Variants in SMYD3 observed in about 807,000 individuals in gnomAD.
SMYD3 encodes SET and MYND domain containing 3.
SMYD3 carries 36 observed loss-of-function variants against 57.7 expected under a neutral mutation model. The observed-to-expected ratio is 0.62, with a 90% CI of 0.48 to 0.82. The LOEUF (loss-of-function observed/expected upper bound fraction) is 0.82, where lower values mean the gene tolerates loss of function less well. Among genes scored for constraint, SMYD3 ranks in the 40% least tolerant of loss-of-function variants. The probability of loss-of-function intolerance (pLI) is 0.00; values close to 1 mark genes in which losing one functional copy is unlikely to be tolerated. For missense variants in SMYD3, 515 were observed against 538.8 expected, an observed-to-expected ratio of 0.96 and a Z score of 0.44; for synonymous variants, 211 against 195.0, an observed-to-expected ratio of 1.08 and a Z score of -0.68.
intron 5 of SMYD3, among the ~76,000 whole-genome samples, chr1:246,315,050 C>G (rs780675655): frequency 6.6e-6 from 1 of 152,172 alleles, no homozygotes; most frequent in Non-Finnish European, 1.5e-5. Flanking sequence ...TAGCTTTCTT[C>G]CTGTCACTGG....
chr1:245,895,818 C>A (rs776269457), intron 8 of SMYD3, among the ~76,000 whole-genome samples: 1 of 152,204 alleles, frequency 6.6e-6, no homozygotes, highest in Admixed American at 6.5e-5. Flanking sequence ...TTCTTCAGGG[C>A]TGTGTAACTC....
chr1:246,016,193 G>A (rs372012994), intron 5 of SMYD3, among the ~76,000 whole-genome samples: 13 of 150,934 alleles, frequency 8.6e-5, no homozygotes, highest in Admixed American at 3.3e-4. Flanking sequence ...CTTGAGCCCA[G>A]GAGTTCAAGG....
chr1:246,367,206 A>C (rs557147830), intron 1 of SMYD3, among the ~76,000 whole-genome samples: 1 of 152,270 alleles, frequency 6.6e-6, no homozygotes, highest in East Asian at 1.9e-4. Context: ...TGAGAAGCGT[A>C]GGGTTCCCAG....
intron 10 of SMYD3, among the ~76,000 whole-genome samples, chr1:245,775,909 T>C (rs2046569914): frequency 6.6e-6 from 1 of 152,172 alleles, no homozygotes; most frequent in Non-Finnish European, 1.5e-5. Flanking sequence ...CCCAGATGGA[T>C]GGTCTAAGAT....
intron 10 of SMYD3, among the ~76,000 whole-genome samples, chr1:245,785,368 C>T (rs2046992031): frequency 6.6e-6 from 1 of 152,080 alleles, no homozygotes; most frequent in South Asian, 2.1e-4. Flanking sequence ...ATGTTATAAC[C>T]TCAGAGGCTC....
At chr1:246,001,460 G>C (rs1572870954) in intron 5 of SMYD3, among the ~76,000 whole-genome samples, 2 of 152,226 alleles carry the variant, frequency 1.3e-5, no homozygotes, top group Admixed American at 1.3e-4. Flanking sequence ...ACAGTGTCTG[G>C]CTTCATCCTG....
intron 5 of SMYD3, among the ~76,000 whole-genome samples, chr1:246,106,396 T>G (rs780179282): frequency 6.6e-6 from 1 of 152,202 alleles, no homozygotes; most frequent in African/African-American, 2.4e-5. Context: ...TAAATAAAGA[T>G]AGTCCCAAAA....
intron 10 of SMYD3, among the ~76,000 whole-genome samples, chr1:245,772,314 A>T (rs183767934): frequency 8.5e-5 from 13 of 152,244 alleles, no homozygotes; most frequent in Middle Eastern, 3.4e-3. Flanking sequence ...ATACATTTCT[A>T]CTTCTCTTAA....
chr1:246,180,880 G>A (rs12047552), intron 5 of SMYD3, among the ~76,000 whole-genome samples: 1 of 144,528 alleles, frequency 6.9e-6, no homozygotes. Flanking sequence ...ACACTCCCCA[G>A]AACTGACAGA....
chr1:246,186,845 T>C, intron 5 of SMYD3: 2 of 985,410 alleles, frequency 2.0e-6, no homozygotes, highest in Non-Finnish European at 2.4e-6. Context: ...TCTCACACTC[T>C]CCCCACATCA....
At chr1:246,334,534 G>T (rs752324494) in intron 3 of SMYD3, among the ~76,000 whole-genome samples, 2 of 152,124 alleles carry the variant, frequency 1.3e-5, no homozygotes, top group Non-Finnish European at 2.9e-5. Flanking sequence ...ACAAAGATGG[G>T]AATAGCAGAC....
At position 246,149,810 on chromosome 1, in the gene SMYD3, G is replaced by C. The variant is rs189811700; in HGVS notation, c.531+177391C>G. Among the ~76,000 whole-genome samples the C allele has an allele frequency of 1.5e-3, 230 of 152,268 alleles. 1 individual carries two copies. The highest frequency in any genetic ancestry group is 5.2e-3 in the African/African-American group (215 of 41,558). On this transcript the variant is annotated intron_variant, in intron 5 of 11. Transcript: ENST00000490107. ...AAAATAGAGATCACGATTCTAAGGA[G>C]CATCCTTGAAAGCACCACCTATAAG...
chr1:246,390,422 A>T (rs1021133453), intron 1 of SMYD3, among the ~76,000 whole-genome samples: 2 of 152,096 alleles, frequency 1.3e-5, no homozygotes, highest in Admixed American at 1.3e-4. Context: ...AGCACAATGC[A>T]GAATGGGGAG....
At chr1:245,786,457 T>C (rs936606373) in intron 10 of SMYD3, among the ~76,000 whole-genome samples, 1 of 152,114 alleles carries the variant, frequency 6.6e-6, no homozygotes. Flanking sequence ...TGGCCAAGTC[T>C]TCACGGCGTG....
chr1:246,096,172 C>T (rs1219046653), intron 5 of SMYD3: 1 of 152,032 alleles, frequency 6.6e-6, no homozygotes, highest in African/African-American at 2.4e-5. Context: ...GTTTAATAAA[C>T]AAGAAAAAAA....
intron 5 of SMYD3, chr1:245,947,380 C>T: frequency 2.2e-6 from 1 of 457,146 alleles, no homozygotes; most frequent in Non-Finnish European, 4.4e-6. Flanking sequence ...GAAAAGTAAG[C>T]TTCCTTCCTA....
At chr1:245,835,269 G>A (rs542056472) in intron 10 of SMYD3, among the ~76,000 whole-genome samples, 40 of 151,914 alleles carry the variant, frequency 2.6e-4, no homozygotes, top group African/African-American at 8.2e-4. Flanking sequence ...ACAGACTTGC[G>A]CCACCACACC....
At chr1:245,795,463 T>C (rs1572355107) in intron 10 of SMYD3, among the ~76,000 whole-genome samples, 1 of 152,360 alleles carries the variant, frequency 6.6e-6, no homozygotes, top group Admixed American at 6.5e-5. Context: ...CCCAGCCATT[T>C]TGCCTCCTTT....
intron 5 of SMYD3, among the ~76,000 whole-genome samples, chr1:245,962,325 A>G (rs1315453937): frequency 6.6e-6 from 1 of 152,146 alleles, no homozygotes; most frequent in Non-Finnish European, 1.5e-5. Flanking sequence ...TTTACAACCT[A>G]TCTTGCAAGA....
Sources: gnomAD v4.1 joint callset for allele counts (sites outside exome capture counted in the v4.1 genomes callset) on GRCh38, gnomAD v4.1.1 for gene constraint, MANE v1.5 for transcripts, NCBI Gene and HGNC (gene_info 2026-07-23, HGNC 2026-07-21) for gene names.